The following P4HA1 variants were observed in gnomAD, a reference collection of about 807,000 sequenced individuals.
The protein encoded by P4HA1 is prolyl 4-hydroxylase subunit alpha-1.
A neutral mutation model predicts 72.8 loss-of-function variants in P4HA1; 24 were observed. That is an observed-to-expected ratio of 0.33 (90% confidence interval 0.24 to 0.46). The LOEUF is 0.46. P4HA1 is among the 20% of genes least tolerant of loss of function. P4HA1 has a pLI of 1.00. For synonymous variants in P4HA1, 201 were observed against 218.8 expected (o/e 0.92, Z 0.72); for missense variants, 446 against 640.6 (o/e 0.70, Z 3.28).
rs1302973769 is a variant in P4HA1 at position 73,084,218 on chromosome 10, TCTTAAA to T, written c.-32-9309_-32-9304del. Among the ~76,000 whole-genome samples, 3 of 152,372 alleles carry T rather than the reference TCTTAAA, an allele frequency of 2.0e-5. No individual in the cohort carries two copies. The South Asian group carries it at 6.2e-4, about 32-fold the overall frequency. On this transcript the variant is annotated intron_variant, in intron 1 of 14. Transcript: ENST00000394890. The stretch of plus-strand genomic sequence containing the variant: ...TTTTGTACAATATGCACTTTAGATT[TCTTAAA>T]CTTAAATATAAATTATGAAGTTAAG...
rs140260010 is a variant in P4HA1, at chr10:73,018,694, C to T, written c.1249-1795G>A. ...GAGTTGCCACTAAGCCCTATTGGCT[C>T]AGGCTCCTAATAGAGCCAAACCCTG... On this transcript the variant is annotated intron_variant, in intron 10 of 14. Transcript: ENST00000394890. Among the ~76,000 whole-genome samples, 1,022 of 152,160 alleles carry T rather than the reference C, an allele frequency of 6.7e-3. 12 individuals carry two copies. Among genetic ancestry groups the T allele is most frequent in the African/African-American group, 0.023 (975 of 41,500 alleles).
At chr10:73,089,976 G>A (rs2133166997) in intron 1 of P4HA1, among the ~76,000 whole-genome samples, 1 of 152,186 alleles carries the variant, frequency 6.6e-6, no homozygotes, top group South Asian at 2.1e-4. Flanking sequence ...AGCGGGGACT[G>A]CAGGCACACA....
Position 73,050,781 on chromosome 10 carries a change from C to G in P4HA1, c.900+272G>C, listed in dbSNP as rs1246401295. On this transcript the variant is annotated intron_variant, in intron 7 of 14. Coordinates refer to ENST00000394890, the MANE Select transcript of P4HA1 (RefSeq NM_001017962.3). ...AGTGCAGTGGTGTAATCATAACTCA[C>G]TGTGCCCCTGAACTCCTGGTTCAAG... 3.3e-5 allele frequency among the ~76,000 whole-genome samples: 5 copies of G among 151,944 alleles called. No homozygotes were observed. In the East Asian group the frequency reaches 9.6e-4, roughly 29 times the overall value.
chr10:73,039,992 G>T (rs995380537), intron 9 of P4HA1, among the ~76,000 whole-genome samples: 1 of 151,336 alleles, frequency 6.6e-6, no homozygotes, highest in Non-Finnish European at 1.5e-5. Context: ...CTCCTGGGTA[G>T]CTGGGACTAC....
At position 73,012,726 on chromosome 10, in the gene P4HA1, T is replaced by C. The variant is rs148066730; in HGVS notation, c.1368+1498A>G. 3.0e-3 allele frequency among the ~76,000 whole-genome samples: 464 copies of C among 152,244 alleles called. 2 individuals are homozygous for C. Among genetic ancestry groups the C allele is most frequent in the Non-Finnish European group, 5.5e-3 (373 of 67,994 alleles). On this transcript the variant is annotated intron_variant, in intron 12 of 14. Coordinates refer to ENST00000394890, the MANE Select transcript of P4HA1 (RefSeq NM_001017962.3). ...AGACAACAAAAAGATGTAATTCAAA[T>C]AGGGCTAAGGAATGGAAAAAGTGAT... is the stretch of plus-strand genomic sequence containing the variant.
In P4HA1 at chr10:73,073,709, A is replaced by G. The variant is rs779507954; in HGVS notation, c.173+22T>C. 9.3e-6 allele frequency: 10 copies of G among 1,072,134 alleles called. No individual in the cohort carries two copies. In the Admixed American group the frequency reaches 1.5e-4, roughly 16 times the overall value. The allele number at this position is 1,072,134 out of a possible 1,614,324, so 66.4% of individuals were successfully genotyped here. A position where few individuals can be genotyped will look rare whatever the true frequency, so the allele number is the denominator to read the frequency against. ...AACATCCAGGTTGAGTCAGAGTCAT[A>G]ATAAGCAAACATTTTGCTTACTTTT... On this transcript the variant is annotated intron_variant, in intron 3 of 14. Coordinates refer to ENST00000394890, the MANE Select transcript of P4HA1 (RefSeq NM_001017962.3).
chr10:73,018,135 C>A (rs1840050797), intron 10 of P4HA1, among the ~76,000 whole-genome samples: 1 of 152,198 alleles, frequency 6.6e-6, no homozygotes, highest in South Asian at 2.1e-4. Flanking sequence ...CTCTACCCAC[C>A]CCTCCCCCAA....
intron 1 of P4HA1, among the ~76,000 whole-genome samples, chr10:73,081,675 T>C (rs1249906715): frequency 6.6e-6 from 1 of 152,162 alleles, no homozygotes; most frequent in Non-Finnish European, 1.5e-5. Flanking sequence ...ATCCCCAACA[T>C]AGGACAGTTT....
At chr10:73,042,012 A>T (rs1589597498) in intron 9 of P4HA1, among the ~76,000 whole-genome samples, 1 of 151,448 alleles carries the variant, frequency 6.6e-6, no homozygotes, top group African/African-American at 2.4e-5. Flanking sequence ...CACCTGGCTA[A>T]TTTTTTTTGT....
intron 5 of P4HA1, among the ~76,000 whole-genome samples, chr10:73,061,641 C>G (rs12262881): frequency 0.037 from 5,579 of 152,194 alleles, 162 homozygotes; most frequent in Non-Finnish European, 0.058. Flanking sequence ...TGACTTATAC[C>G]TATAGTCCCA....
In P4HA1 at chr10:73,010,985, C is replaced by T; in HGVS notation, c.1421G>A (p.Ser474Asn). 1 of 1,613,658 alleles carries T rather than the reference C, an allele frequency of 6.2e-7. No homozygotes were observed. The highest frequency in any genetic ancestry group is 2.2e-5 in the East Asian group (1 of 44,858). ...GATVFPEVGA[S>N]VWPKKGTAVF... ...CAGGCTTACTTTTTTGGGCCAAACA[C>T]TAGCTCCAACTTCAGGAAAAACAGT... Residue 474 changes from serine (S) to asparagine (N), a missense_variant, in exon 13 of 15, where the codon AGT becomes AAT. Physicochemically the swap from Ser to Asn is conservative, Grantham distance 46. Transcript: ENST00000394890.
chr10:73,011,136 T>C (rs967230380), intron 12 of P4HA1, 99 bp from the exon 13 acceptor site: 3 of 897,736 alleles, frequency 3.3e-6, no homozygotes, highest in Admixed American at 4.3e-5. Flanking sequence ...ATTGGGAACA[T>C]ATGGACTTGT....
At chr10:73,076,934 C>T (rs1841710392) in intron 1 of P4HA1, among the ~76,000 whole-genome samples, 1 of 152,208 alleles carries the variant, frequency 6.6e-6, no homozygotes, top group African/African-American at 2.4e-5. Context: ...CCACTGCCCC[C>T]TAACTTGAAT....
At chr10:73,048,867 G>A (rs1840938378) in intron 7 of P4HA1, among the ~76,000 whole-genome samples, 1 of 152,152 alleles carries the variant, frequency 6.6e-6, no homozygotes, top group Non-Finnish European at 1.5e-5. Flanking sequence ...AGGTGCAGTG[G>A]CTCACGCCTG....
chr10:73,045,948 G>C (rs1840851733), intron 8 of P4HA1, among the ~76,000 whole-genome samples: 1 of 150,570 alleles, frequency 6.6e-6, no homozygotes, highest in Non-Finnish European at 1.5e-5. Flanking sequence ...TTGTAGTATA[G>C]ATATCCAGAT....
At chr10:73,091,949 T>C (rs1842040038) in intron 1 of P4HA1, among the ~76,000 whole-genome samples, 1 of 152,200 alleles carries the variant, frequency 6.6e-6, no homozygotes, top group South Asian at 2.1e-4. Flanking sequence ...TCCTAAAAAA[T>C]GGATTATTGC....
At chr10:73,032,526 T>C (rs1026765802) in intron 9 of P4HA1, among the ~76,000 whole-genome samples, 1 of 152,234 alleles carries the variant, frequency 6.6e-6, no homozygotes, top group Non-Finnish European at 1.5e-5. Context: ...GGTCTCCTAA[T>C]TTACAGCCTC....
intron 10 of P4HA1, 56 bp from the exon 11 acceptor site, chr10:73,016,955 A>G: frequency 7.1e-7 from 1 of 1,400,832 alleles, no homozygotes; most frequent in Admixed American, 1.9e-5. Flanking sequence ...ACTATTCAAA[A>G]AAAATCTATG....
intron 9 of P4HA1, among the ~76,000 whole-genome samples, chr10:73,038,449 G>C (rs1309327522): frequency 1.3e-5 from 2 of 151,818 alleles, no homozygotes; most frequent in African/African-American, 4.8e-5. Flanking sequence ...TATTTGCATA[G>C]GTCATTATTT....
Sources: gnomAD v4.1 joint callset for allele counts (sites outside exome capture counted in the v4.1 genomes callset) on GRCh38, gnomAD v4.1.1 for gene constraint, MANE v1.5 for transcripts, NCBI Gene and HGNC (gene_info 2026-07-23, HGNC 2026-07-21) for gene names.